SSBP2: variants seen among roughly 807,000 people sequenced by gnomAD.
SSBP2 encodes the protein single stranded DNA binding protein 2, also known as single-stranded DNA-binding protein 2.
Under a neutral mutation model 61.8 loss-of-function variants are expected in SSBP2, and 17 were observed. The ratio of observed to expected loss-of-function variants is 0.28; its 90% CI spans 0.19 to 0.41. The LOEUF (loss-of-function observed/expected upper bound fraction) is 0.41, where lower values mean the gene tolerates loss of function less well. SSBP2 is among the 10% of genes least tolerant of loss of function. SSBP2 has a pLI of 1.00. For synonymous variants in SSBP2, 139 were observed against 141.3 expected, an observed-to-expected ratio of 0.98 and a Z score of 0.12; for missense variants, 310 against 458.7, an observed-to-expected ratio of 0.68 and a Z score of 2.96.
At chr5:81,667,182 C>T (rs1278668648) in intron 1 of SSBP2, among the ~76,000 whole-genome samples, 5 of 152,078 alleles carry the variant, frequency 3.3e-5, no homozygotes, top group Admixed American at 6.6e-5. Context: ...AGGACGGAGA[C>T]ATCCAAATAC....
chr5:81,669,642 C>T (rs1581301900), intron 1 of SSBP2, among the ~76,000 whole-genome samples: 1 of 151,910 alleles, frequency 6.6e-6, no homozygotes, highest in East Asian at 1.9e-4. Flanking sequence ...TCACACACCA[C>T]GGCCTGTTGG....
At chr5:81,499,406 T>TAC (rs1425870249) in intron 5 of SSBP2, among the ~76,000 whole-genome samples, 13 of 152,218 alleles carry the variant, frequency 8.5e-5, no homozygotes, top group African/African-American at 2.9e-4. Context: ...TTTCCTCAAG[T>TAC]CTTCATTACC....
chr5:81,622,118 AT>A (rs1746639040), intron 3 of SSBP2, among the ~76,000 whole-genome samples: 1 of 141,302 alleles, frequency 7.1e-6, no homozygotes. Flanking sequence ...AAAAAAAAAA[AT>A]TAAAAAAAAA....
intron 5 of SSBP2, among the ~76,000 whole-genome samples, chr5:81,502,164 C>T (rs1409340808): frequency 6.6e-6 from 1 of 152,134 alleles, no homozygotes; most frequent in East Asian, 1.9e-4. Flanking sequence ...GCTTTCACCC[C>T]CAGGACCACA....
At chr5:81,663,902 T>C (rs1581282713) in intron 1 of SSBP2, among the ~76,000 whole-genome samples, 1 of 152,132 alleles carries the variant, frequency 6.6e-6, no homozygotes, top group East Asian at 1.9e-4. Context: ...ACTAAAAAGA[T>C]TCATATAAAA....
chr5:81,645,663 G>T (rs573303517), intron 2 of SSBP2, among the ~76,000 whole-genome samples: 1 of 152,260 alleles, frequency 6.6e-6, no homozygotes, highest in Middle Eastern at 3.4e-3. Flanking sequence ...AAAAGTTAAT[G>T]TAGAATTGGA....
In SSBP2 at chr5:81,539,537, T is replaced by C. The variant is rs527660061; in HGVS notation, c.283-25820A>G. On this transcript the variant is annotated intron_variant, in intron 4 of 16. Transcript: ENST00000320672. Reference sequence around the variant, plus strand: ...TCAAATGCCATCAAACAGTATTGTATGCTATTGAGAAATCATTTGTGAAAG... The same window carrying C: ...TCAAATGCCATCAAACAGTATTGTACGCTATTGAGAAATCATTTGTGAAAG... Among the ~76,000 whole-genome samples, 11 of 152,330 alleles carry C rather than the reference T, an allele frequency of 7.2e-5. No homozygotes were observed. The South Asian group carries it at 1.0e-3, about 14-fold the overall frequency.
intron 16 of SSBP2, 97 bp downstream of exon 16, chr5:81,428,488 C>A: frequency 1.2e-6 from 1 of 815,780 alleles, no homozygotes; most frequent in Admixed American, 2.0e-5. Context: ...CTGTTGAACT[C>A]TAGATAAACA....
chr5:81,626,188 A>T (rs1747121726), intron 3 of SSBP2, among the ~76,000 whole-genome samples: 1 of 152,246 alleles, frequency 6.6e-6, no homozygotes, highest in South Asian at 2.1e-4. Flanking sequence ...AATACCTTTA[A>T]AAATGAAAGC....
At chr5:81,667,286 T>TACACACACACACACACAC (rs71605804) in intron 1 of SSBP2, among the ~76,000 whole-genome samples, 5 of 133,816 alleles carry the variant, frequency 3.7e-5, no homozygotes, top group African/African-American at 1.4e-4. Flanking sequence ...GGGATACAGA[T>TACACACACACACACACAC]ACACACACAC....
chr5:81,663,909 A>T (rs1561668334), intron 1 of SSBP2, among the ~76,000 whole-genome samples: 1 of 152,194 alleles, frequency 6.6e-6, no homozygotes, highest in Non-Finnish European at 1.5e-5. Context: ...AGATTCATAT[A>T]AAAATAAGGC....
intron 2 of SSBP2, among the ~76,000 whole-genome samples, chr5:81,643,378 T>C (rs900689571): frequency 3.3e-5 from 5 of 152,094 alleles, no homozygotes; most frequent in Non-Finnish European, 7.4e-5. Flanking sequence ...TAACTTTTAA[T>C]ACCATAAAAC....
At chr5:81,453,135 A>T (rs1374919387) in intron 10 of SSBP2, among the ~76,000 whole-genome samples, 1 of 151,906 alleles carries the variant, frequency 6.6e-6, no homozygotes, top group East Asian at 1.9e-4. Context: ...TCTCTATAAA[A>T]AACAAAAAAA....
chr5:81,745,396 C>G (rs1757292893), intron 1 of SSBP2, among the ~76,000 whole-genome samples: 1 of 152,180 alleles, frequency 6.6e-6, no homozygotes, highest in East Asian at 1.9e-4. Context: ...GTAAAATACA[C>G]AAAGTTTGAT....
At chr5:81,570,908 AC>A (rs1773788047) in intron 4 of SSBP2, among the ~76,000 whole-genome samples, 1 of 152,084 alleles carries the variant, frequency 6.6e-6, no homozygotes, top group Admixed American at 6.6e-5. Context: ...CCTGCCTGAA[AC>A]TTCTGTCTTT....
chr5:81,558,129 G>A (rs1772747337), intron 4 of SSBP2, among the ~76,000 whole-genome samples: 1 of 152,082 alleles, frequency 6.6e-6, no homozygotes, highest in Non-Finnish European at 1.5e-5. Flanking sequence ...CATTCCTTCT[G>A]CCATATACTG....
intron 15 of SSBP2, among the ~76,000 whole-genome samples, chr5:81,436,185 CAAAAAAAAA>C (rs34499225): frequency 1.8e-5 from 1 of 54,566 alleles, no homozygotes; most frequent in African/African-American, 6.9e-5. Flanking sequence ...AAGACTCCAT[CAAAAAAAAA>C]AAAAAAAAAA....
chr5:81,701,623 A>G (rs749072765), intron 1 of SSBP2, among the ~76,000 whole-genome samples: 2 of 152,242 alleles, frequency 1.3e-5, no homozygotes, highest in Non-Finnish European at 2.9e-5. Flanking sequence ...GTCTCAAATA[A>G]AATGAGAACA....
At chr5:81,502,149 A>C (rs1767842755) in intron 5 of SSBP2, among the ~76,000 whole-genome samples, 1 of 152,038 alleles carries the variant, frequency 6.6e-6, no homozygotes, top group Non-Finnish European at 1.5e-5. Context: ...ATCCACTTTT[A>C]TGAGGCTTTC....
Sources: gnomAD v4.1 joint callset for allele counts (sites outside exome capture counted in the v4.1 genomes callset) on GRCh38, gnomAD v4.1.1 for gene constraint, MANE v1.5 for transcripts, NCBI Gene and HGNC (gene_info 2026-07-23, HGNC 2026-07-21) for gene names.